The following AUTS2 variants were observed in gnomAD, a reference collection of about 807,000 sequenced individuals.
AUTS2 encodes activator of transcription and developmental regulator AUTS2.
Under a neutral mutation model 112.4 loss-of-function variants are expected in AUTS2, and 17 were observed. That is an observed-to-expected ratio of 0.15 (90% CI 0.10 to 0.23). AUTS2 has a LOEUF of 0.23. AUTS2 is among the 10% of genes least tolerant of loss of function. The pLI, the probability that AUTS2 is intolerant of heterozygous loss-of-function variation, is 1.00. For synonymous variants in AUTS2, 751 were observed against 702.7 expected, an observed-to-expected ratio of 1.07 and a Z score of -1.09; for missense variants, 1,510 against 1,701.6, an observed-to-expected ratio of 0.89 and a Z score of 1.98.
At chr7:70,180,619 C>T (rs1273657010) in intron 4 of AUTS2, among the ~76,000 whole-genome samples, 1 of 152,156 alleles carries the variant, frequency 6.6e-6, no homozygotes, top group Non-Finnish European at 1.5e-5. Flanking sequence ...CCTCCCTCCT[C>T]ATCTCTGGTT....
intron 2 of AUTS2, among the ~76,000 whole-genome samples, chr7:70,068,343 A>G (rs74887082): frequency 6.6e-6 from 1 of 150,842 alleles, no homozygotes; most frequent in Admixed American, 6.6e-5. Flanking sequence ...CCACCCGGCT[A>G]ATTTTTTTTT....
chr7:70,215,917 A>C (rs1023925138), intron 4 of AUTS2, among the ~76,000 whole-genome samples: 1 of 152,166 alleles, frequency 6.6e-6, no homozygotes, highest in Admixed American at 6.5e-5. Flanking sequence ...TAAATCACAG[A>C]CTTTCTCTAA....
intron 4 of AUTS2, among the ~76,000 whole-genome samples, chr7:70,259,445 C>T (rs1231339988): frequency 1.3e-5 from 2 of 152,144 alleles, no homozygotes; most frequent in African/African-American, 4.8e-5. Flanking sequence ...ATGCCATTGG[C>T]CTCACTCATC....
chr7:70,715,558 G>C (rs900978770), intron 6 of AUTS2, among the ~76,000 whole-genome samples: 1 of 145,200 alleles, frequency 6.9e-6, no homozygotes, highest in Non-Finnish European at 1.5e-5. Flanking sequence ...TTTTAAGATG[G>C]TGTCTCACTC....
intron 4 of AUTS2, among the ~76,000 whole-genome samples, chr7:70,360,288 C>T (rs1372424327): frequency 1.3e-5 from 2 of 152,094 alleles, no homozygotes; most frequent in Non-Finnish European, 2.9e-5. Context: ...CCATGCCCAG[C>T]TAAGTTTTAA....
At chr7:69,694,447 A>G (rs777844471) in intron 1 of AUTS2, among the ~76,000 whole-genome samples, 1 of 152,194 alleles carries the variant, frequency 6.6e-6, no homozygotes, top group Non-Finnish European at 1.5e-5. Flanking sequence ...GAGTGAAAAT[A>G]GAAAACGTAA....
At chr7:70,652,541 A>T (rs1806560299) in intron 5 of AUTS2, among the ~76,000 whole-genome samples, 1 of 152,210 alleles carries the variant, frequency 6.6e-6, no homozygotes, top group South Asian at 2.1e-4. Context: ...AGACATCCCC[A>T]GTTGGAAAAT....
At chr7:69,789,713 C>T (rs1335527292) in intron 1 of AUTS2, among the ~76,000 whole-genome samples, 1 of 151,902 alleles carries the variant, frequency 6.6e-6, no homozygotes, top group Non-Finnish European at 1.5e-5. Flanking sequence ...TTTCAGAGTA[C>T]GTTAAGATTC....
At chr7:70,012,522 T>G (rs1304028025) in intron 2 of AUTS2, among the ~76,000 whole-genome samples, 1 of 152,236 alleles carries the variant, frequency 6.6e-6, no homozygotes, top group Non-Finnish European at 1.5e-5. Context: ...CTTGCTTTAC[T>G]TCTTCCAGCC....
chr7:70,140,061 C>T (rs1034252554), intron 4 of AUTS2, among the ~76,000 whole-genome samples: 2 of 151,990 alleles, frequency 1.3e-5, no homozygotes, highest in Non-Finnish European at 2.9e-5. Context: ...TCTCAGATGC[C>T]CTTTCATTCT....
intron 2 of AUTS2, among the ~76,000 whole-genome samples, chr7:70,024,730 A>T (rs956771317): frequency 6.6e-6 from 1 of 152,146 alleles, no homozygotes; most frequent in Non-Finnish European, 1.5e-5. Context: ...CTGTAGGGCA[A>T]GCAGTAGGTT....
At chr7:70,245,517 G>A (rs546097135) in intron 4 of AUTS2, among the ~76,000 whole-genome samples, 1 of 152,256 alleles carries the variant, frequency 6.6e-6, no homozygotes, top group South Asian at 2.1e-4. Context: ...ATATTCTGCA[G>A]TTTGGTTTTT....
intron 2 of AUTS2, among the ~76,000 whole-genome samples, chr7:70,003,710 A>G (rs1799363337): frequency 8.0e-6 from 1 of 125,156 alleles, no homozygotes; most frequent in East Asian, 2.3e-4. Flanking sequence ...AATATATATG[A>G]ATGTGTTATA....
At chr7:70,634,482 C>A (rs1399420966) in intron 5 of AUTS2, among the ~76,000 whole-genome samples, 1 of 152,154 alleles carries the variant, frequency 6.6e-6, no homozygotes, top group Non-Finnish European at 1.5e-5. Flanking sequence ...CTTGAGGACA[C>A]CCTTTGGATT....
chr7:70,650,891 A>G (rs1030354605), intron 5 of AUTS2, among the ~76,000 whole-genome samples: 14 of 152,352 alleles, frequency 9.2e-5, no homozygotes, highest in African/African-American at 3.4e-4. Flanking sequence ...TAATTGATTG[A>G]TGACCAGAGT....
At chr7:69,747,426 T>A (rs937701934) in intron 1 of AUTS2, among the ~76,000 whole-genome samples, 11 of 152,336 alleles carry the variant, frequency 7.2e-5, no homozygotes, top group Non-Finnish European at 1.5e-4. Flanking sequence ...TGCTGGCTAT[T>A]TGAATATGGT....
Position 70,790,411 on chromosome 7 carries a change from T to A in AUTS2, c.3195T>A (p.Ser1065=). The change falls in exon 19 of 19, where the codon TCT becomes TCA. Residue 1065 remains serine (S), a synonymous_variant. Transcript: ENST00000342771. This position sits in a 1 kb window ranked among gnomAD's most constrained non-coding sequence, Gnocchi z 7.6. ...GCGGAGAGCGCTTCCCGTACCCTTC[T>A]TTCCACTGGGACCCCATCCGGGACC... ...LPGGERFPYP[S]FHWDPIRDPL... is the part of the protein sequence containing the mutation. 1 of 1,613,376 alleles carries A rather than the reference T, an allele frequency of 6.2e-7. No homozygotes were observed. The highest frequency in any genetic ancestry group is 1.3e-5 in the African/African-American group (1 of 75,034).
chr7:69,800,972 A>G lies in AUTS2; in HGVS notation c.310-98314A>G, dbSNP rs79442532. 4.1e-3 allele frequency among the ~76,000 whole-genome samples: 622 copies of G among 152,076 alleles called. 6 individuals carry two copies. Among genetic ancestry groups the G allele is most frequent in the African/African-American group, 0.014 (580 of 41,456 alleles). The stretch of plus-strand genomic sequence containing the variant: ...ATAACACTTCTTTCACCTTTCCTAA[A>G]CTAGAATAGGTATTCCTGCTGTATG... On this transcript the variant is annotated intron_variant, in intron 1 of 18. Coordinates refer to ENST00000342771, the MANE Select transcript of AUTS2 (RefSeq NM_015570.4).
intron 6 of AUTS2, among the ~76,000 whole-genome samples, chr7:70,741,523 C>T (rs1274926464): frequency 6.6e-6 from 1 of 151,970 alleles, no homozygotes; most frequent in Non-Finnish European, 1.5e-5. Context: ...GAAACCCCAT[C>T]TCTACTAAAA....
Sources: allele counts gnomAD v4.1 joint callset (sites outside exome capture counted in the v4.1 genomes callset), GRCh38; gene constraint gnomAD v4.1.1; non-coding constraint Gnocchi (gnomAD v3.1); transcripts MANE v1.5; gene names NCBI Gene and HGNC (gene_info 2026-07-23, HGNC 2026-07-21).